The following PRELID2 variants were observed in gnomAD, a reference collection of about 807,000 sequenced individuals.
PRELID2 encodes the protein PRELI domain-containing protein 2.
In PRELID2, 25 loss-of-function variants were observed where a neutral mutation model predicts 28.4. The ratio of observed to expected loss-of-function variants is 0.88; its 90% confidence interval spans 0.64 to 1.23. PRELID2 has a LOEUF of 1.23. Among genes scored for constraint, PRELID2 ranks in the 50% most tolerant of loss-of-function variants. The pLI, the probability that PRELID2 is intolerant of heterozygous loss-of-function variation, is 0.00. For synonymous variants in PRELID2, 76 were observed against 71.6 expected, an observed-to-expected ratio of 1.06 and a Z score of -0.31; for missense variants, 201 against 214.4, an observed-to-expected ratio of 0.94 and a Z score of 0.39.
chr5:145,331,473 A>G, the PRELID2 span, among the ~76,000 whole-genome samples: 1 of 152,066 alleles, frequency 6.6e-6, no homozygotes, highest in Non-Finnish European at 1.5e-5. Context: ...GTGCATATAT[A>G]TTTAGTATAG....
At chr5:145,651,271 G>C (rs528751742) in intron 1 of PRELID2, among the ~76,000 whole-genome samples, 2 of 152,188 alleles carry the variant, frequency 1.3e-5, no homozygotes, top group East Asian at 1.9e-4. Flanking sequence ...AGCTCGAACT[G>C]GGTGGAGCCC....
intron 4 of PRELID2, among the ~76,000 whole-genome samples, chr5:145,810,377 G>C (rs1753845433): frequency 6.6e-6 from 1 of 152,180 alleles, no homozygotes; most frequent in African/African-American, 2.4e-5. Flanking sequence ...ATCACTGCAT[G>C]AACCTAGAAG....
the PRELID2 span, among the ~76,000 whole-genome samples, chr5:145,390,519 T>C: frequency 2.6e-5 from 4 of 151,986 alleles, no homozygotes; most frequent in Non-Finnish European, 5.9e-5. Flanking sequence ...AGCATAAGGG[T>C]AACTGCCCCC....
At chr5:145,574,822 A>G (rs1367947856) in intron 1 of PRELID2, among the ~76,000 whole-genome samples, 1 of 152,212 alleles carries the variant, frequency 6.6e-6, no homozygotes, top group Admixed American at 6.5e-5. Flanking sequence ...TAGATCACTT[A>G]TAACACATAA....
Position 145,594,606 on chromosome 5 carries a change from G to A in PRELID2, n.71-121291C>T, listed in dbSNP as rs557760233. 5.9e-5 allele frequency among the ~76,000 whole-genome samples: 9 copies of A among 152,108 alleles called. No homozygotes were observed. The East Asian group carries it at 1.7e-3, about 29-fold the overall frequency. ...ACCAAAAATTGGAAATGACCTAAAT[G>A]TCCAACTTATGTAGCCACAAAAGTA... is the stretch of plus-strand genomic sequence containing the variant. On this transcript the variant is annotated intron_variant and non_coding_transcript_variant, in intron 1 of 2. Coordinates refer to the PRELID2 transcript ENST00000510259.
rs530849452 is a variant in PRELID2, at chr5:145,806,244, T to C, written c.369-9697A>G. ...ACACTTAGCTTAAAACACAAACACA[T>C]TGCATAACTGTACAAAAATATTGTC... On this transcript the variant is annotated intron_variant, in intron 4 of 6. Coordinates refer to ENST00000683046, the MANE Select transcript of PRELID2 (RefSeq NM_205846.3). Among the ~76,000 whole-genome samples the C allele has an allele frequency of 1.6e-4, 25 of 152,312 alleles. No homozygotes were observed. The South Asian group carries it at 3.9e-3, about 24-fold the overall frequency.
At chr5:145,387,223 CT>C in the PRELID2 span, among the ~76,000 whole-genome samples, 1 of 151,934 alleles carries the variant, frequency 6.6e-6, no homozygotes, top group Non-Finnish European at 1.5e-5. Context: ...GTCAAAAAGC[CT>C]TTTATTTTTT....
the PRELID2 span, chr5:145,437,339 T>C: frequency 6.6e-6 from 1 of 152,202 alleles, no homozygotes; most frequent in Non-Finnish European, 1.5e-5. Flanking sequence ...GAAATAATCC[T>C]GTTATTGCTC....
intron 4 of PRELID2, among the ~76,000 whole-genome samples, chr5:145,802,168 T>C (rs1037850401): frequency 6.6e-6 from 1 of 152,210 alleles, no homozygotes; most frequent in Admixed American, 6.5e-5. Context: ...GTTCTACTGA[T>C]TGAAAACACT....
chr5:145,649,868 CTGTT>C (rs1410320612), intron 1 of PRELID2, among the ~76,000 whole-genome samples: 1 of 152,056 alleles, frequency 6.6e-6, no homozygotes, highest in African/African-American at 2.4e-5. Flanking sequence ...TTTTCACTGT[CTGTT>C]TTTATCTCTT....
At chr5:145,332,426 T>C in the PRELID2 span, among the ~76,000 whole-genome samples, 1 of 152,190 alleles carries the variant, frequency 6.6e-6, no homozygotes, top group Non-Finnish European at 1.5e-5. Context: ...GTTTGGTCTT[T>C]TCACATAGTC....
the PRELID2 span, among the ~76,000 whole-genome samples, chr5:145,388,015 T>C: frequency 6.6e-6 from 1 of 150,754 alleles, no homozygotes. Flanking sequence ...TAAAGAGGCT[T>C]ATCATTAATA....
At chr5:145,509,486 C>T (rs1319203065) in intron 1 of PRELID2, among the ~76,000 whole-genome samples, 3 of 152,320 alleles carry the variant, frequency 2.0e-5, no homozygotes, top group East Asian at 1.9e-4. Context: ...GAAAATTTCA[C>T]ATGTCTGAGC....
chr5:145,250,162 G>T, the PRELID2 span, among the ~76,000 whole-genome samples: 2 of 152,020 alleles, frequency 1.3e-5, no homozygotes, highest in Non-Finnish European at 2.9e-5. Context: ...TTACTCTTTA[G>T]AATTACAATG....
chr5:145,815,860 G>C (rs1754266487), intron 4 of PRELID2, among the ~76,000 whole-genome samples: 1 of 152,090 alleles, frequency 6.6e-6, no homozygotes, highest in Admixed American at 6.5e-5. Context: ...TGCTATGAAA[G>C]TTTTGTACAA....
At chr5:145,486,285 G>A (rs1010197776) in intron 1 of PRELID2, among the ~76,000 whole-genome samples, 2 of 152,146 alleles carry the variant, frequency 1.3e-5, no homozygotes, top group East Asian at 3.9e-4. Context: ...GTTTGCATGG[G>A]GGTCTATAAT....
chr5:145,828,656 T>G (rs1755365695), intron 1 of PRELID2, among the ~76,000 whole-genome samples: 1 of 152,040 alleles, frequency 6.6e-6, no homozygotes, highest in Non-Finnish European at 1.5e-5. Context: ...TCTAAATAGT[T>G]TAAATGCTTT....
chr5:145,386,245 C>T, the PRELID2 span, among the ~76,000 whole-genome samples: 1 of 152,030 alleles, frequency 6.6e-6, no homozygotes, highest in South Asian at 2.1e-4. Flanking sequence ...AACTCACCCA[C>T]TCTCATGAGA....
chr5:145,303,944 T>C, the PRELID2 span, among the ~76,000 whole-genome samples: 1 of 152,136 alleles, frequency 6.6e-6, no homozygotes, highest in Non-Finnish European at 1.5e-5. Context: ...TCAGCGACTA[T>C]TATCAGAGTA....
Sources: allele counts gnomAD v4.1 joint callset (sites outside exome capture counted in the v4.1 genomes callset), GRCh38; gene constraint gnomAD v4.1.1; transcripts MANE v1.5; gene names NCBI Gene and HGNC (gene_info 2026-07-23, HGNC 2026-07-21).